Variants in RELN observed in about 807,000 individuals in gnomAD.
RELN encodes the protein reelin.
In RELN, 108 loss-of-function variants were observed where a neutral mutation model predicts 427.6. That is an observed-to-expected ratio of 0.25 (90% CI 0.22 to 0.30). The LOEUF (loss-of-function observed/expected upper bound fraction) is 0.30. Among genes scored for constraint, RELN ranks in the 10% least tolerant of loss-of-function variants. RELN has a pLI of 1.00. For synonymous variants in RELN, 1,524 were observed against 1,513.4 expected (o/e 1.01, Z -0.16); for missense variants, 3,715 against 4,302.8 (o/e 0.86, Z 3.82).
At chr7:103,921,262 A>G (rs1454775552) in intron 1 of RELN, among the ~76,000 whole-genome samples, 4 of 152,240 alleles carry the variant, frequency 2.6e-5, no homozygotes, top group Non-Finnish European at 5.9e-5. Flanking sequence ...AGTTATCCAT[A>G]TCAGACACCA....
At chr7:103,506,463 C>T (rs1829215230) in intron 51 of RELN, among the ~76,000 whole-genome samples, 1 of 152,160 alleles carries the variant, frequency 6.6e-6, no homozygotes, top group South Asian at 2.1e-4. Context: ...CCAAACTAAG[C>T]TTCATAAGCG....
intron 19 of RELN, among the ~76,000 whole-genome samples, chr7:103,634,515 A>G (rs983033433): frequency 1.3e-5 from 2 of 152,178 alleles, no homozygotes; most frequent in South Asian, 4.1e-4. Context: ...AAGATAGCCC[A>G]GCTTCAAGTA....
At chr7:103,638,962 T>A (rs1003549492) in intron 17 of RELN, among the ~76,000 whole-genome samples, 5 of 152,234 alleles carry the variant, frequency 3.3e-5, no homozygotes, top group Non-Finnish European at 7.3e-5. Context: ...CCACTTTCTA[T>A]TTTTTGAAAA....
chr7:103,652,008 T>C (rs889976156), intron 14 of RELN, among the ~76,000 whole-genome samples: 1 of 152,078 alleles, frequency 6.6e-6, no homozygotes, highest in Non-Finnish European at 1.5e-5. Context: ...AAACTATGTT[T>C]CAAAGACAAC....
At chr7:103,952,761 G>A (rs1214851806) in intron 1 of RELN, among the ~76,000 whole-genome samples, 1 of 152,106 alleles carries the variant, frequency 6.6e-6, no homozygotes, top group African/African-American at 2.4e-5. Flanking sequence ...TCAAAAGGTC[G>A]GGAAATTGCA....
rs1402568986 is a variant in RELN at position 103,563,809 on chromosome 7, T to C, written c.5210+1469A>G. 6.6e-6 allele frequency among the ~76,000 whole-genome samples: 1 copy of C among 152,240 alleles called. No individual in the cohort carries two copies. On this transcript the variant is annotated intron_variant, in intron 34 of 64. Coordinates refer to ENST00000428762, the MANE Select transcript of RELN (RefSeq NM_005045.4). The surrounding 1 kb of genome is among the most constrained non-coding windows in gnomAD (Gnocchi z 4.1). ...ATTGTACCTTTCCTATGTTTAGATA[T>C]GTTTAGATATACAAATACTTGGAAT...
At chr7:103,660,749 G>T (rs3757740) in intron 12 of RELN, among the ~76,000 whole-genome samples, 1 of 152,146 alleles carries the variant, frequency 6.6e-6, no homozygotes, top group African/African-American at 2.4e-5. Context: ...ATCAGTGAGA[G>T]AATATGTAAC....
At chr7:103,959,193 T>C (rs1380725736) in intron 1 of RELN, among the ~76,000 whole-genome samples, 2 of 152,212 alleles carry the variant, frequency 1.3e-5, no homozygotes, top group African/African-American at 4.8e-5. Flanking sequence ...TCTTCCTGCC[T>C]CAGCCTCCCA....
chr7:103,595,952 C>T lies in RELN; in HGVS notation c.3539+504G>A, dbSNP rs3025956. 2.4e-4 allele frequency among the ~76,000 whole-genome samples: 37 copies of T among 152,246 alleles called. No homozygotes were observed. The South Asian group carries it at 7.5e-3, about 31-fold the overall frequency. On this transcript the variant is annotated intron_variant, in intron 25 of 64. Transcript: ENST00000428762. ...TATTTTATTACATATATTCCCAATA[C>T]ATCAAAATTAAGACAGGGATAGGCC...
intron 60 of RELN, among the ~76,000 whole-genome samples, chr7:103,487,963 G>C (rs771637184): frequency 2.0e-5 from 3 of 151,528 alleles, no homozygotes; most frequent in Non-Finnish European, 4.4e-5. Flanking sequence ...GACTAACACG[G>C]TGAAACCCCA....
chr7:103,657,322 A>G (rs1037473584), intron 12 of RELN, among the ~76,000 whole-genome samples: 7 of 152,060 alleles, frequency 4.6e-5, no homozygotes, highest in African/African-American at 1.7e-4. Context: ...GAAAAAATCC[A>G]CGTGAAAATG....
At chr7:103,571,099 C>A (rs1183361534) in intron 31 of RELN, among the ~76,000 whole-genome samples, 4 of 152,290 alleles carry the variant, frequency 2.6e-5, no homozygotes, top group African/African-American at 9.6e-5. Context: ...TTAAACCTTT[C>A]AGTTAGTGAT....
In RELN at chr7:103,787,405, T is replaced by C. The variant is rs183690947; in HGVS notation, c.474-10778A>G. Among the ~76,000 whole-genome samples the C allele has an allele frequency of 1.4e-4, 21 of 151,780 alleles. No homozygotes were observed. In the East Asian group the frequency reaches 3.9e-3, roughly 28 times the overall value. ...TCAATGAATCCAGGAGCTGGTTTTC[T>C]GAAAAGATTAGCAAAATAGATAGAC... On this transcript the variant is annotated intron_variant, in intron 3 of 64. Transcript: ENST00000428762.
intron 2 of RELN, among the ~76,000 whole-genome samples, chr7:103,865,671 G>A (rs1794180770): frequency 6.6e-6 from 1 of 152,114 alleles, no homozygotes; most frequent in South Asian, 2.1e-4. Flanking sequence ...CACGATAGAT[G>A]CAGAAAAAGC....
chr7:103,760,120 T>C (rs73712233), intron 4 of RELN, among the ~76,000 whole-genome samples: 1,731 of 150,752 alleles, frequency 0.011, 34 homozygotes, highest in African/African-American at 0.039. Flanking sequence ...TTTTAATAGG[T>C]TAAACTATTG....
intron 2 of RELN, among the ~76,000 whole-genome samples, chr7:103,853,738 A>C (rs1452204560): frequency 2.0e-5 from 3 of 152,028 alleles, no homozygotes; most frequent in Admixed American, 2.0e-4. Context: ...CATAATATAC[A>C]AAATATGTTA....
Position 103,574,263 on chromosome 7 carries a change from T to C in RELN, c.4340A>G (p.His1447Arg), listed in dbSNP as rs755114220. The change falls in exon 30 of 65, where the codon CAC becomes CGC. Residue 1447 changes from histidine (H) to arginine (R), a missense_variant. His to Arg is a conservative substitution (Grantham distance 29). Coordinates refer to ENST00000428762, the MANE Select transcript of RELN (RefSeq NM_005045.4). ...QGTCVSNVPN[H>R]NEMFDRFEGK... ...CTCAAACCTATCGAACATCTCATTG[T>C]GATTGGGGACATTTGACACACAGGT... is the stretch of plus-strand genomic sequence containing the variant. 5 of 1,614,002 alleles carry C rather than the reference T, an allele frequency of 3.1e-6. No individual in the cohort carries two copies. In the East Asian group the frequency reaches 1.1e-4, roughly 36 times the overall value.
intron 11 of RELN, among the ~76,000 whole-genome samples, chr7:103,662,476 G>T (rs992100519): frequency 6.6e-6 from 1 of 151,964 alleles, no homozygotes; most frequent in Non-Finnish European, 1.5e-5. Context: ...AAAAAAATTA[G>T]CTTGGTGTGG....
At chr7:103,887,967 C>G (rs1469614003) in intron 2 of RELN, among the ~76,000 whole-genome samples, 2 of 152,040 alleles carry the variant, frequency 1.3e-5, no homozygotes, top group Admixed American at 1.3e-4. Context: ...AGGGAAAACC[C>G]TTGGTGACAT....
Sources: gnomAD v4.1 joint callset for allele counts (sites outside exome capture counted in the v4.1 genomes callset) on GRCh38, gnomAD v4.1.1 for gene constraint, Gnocchi (gnomAD v3.1) non-coding constraint, MANE v1.5 for transcripts, NCBI Gene and HGNC (gene_info 2026-07-23, HGNC 2026-07-21) for gene names.